Variants in SORCS3 observed in about 807,000 individuals in gnomAD.
The protein encoded by SORCS3 is VPS10 domain-containing receptor SorCS3.
Under a neutral mutation model 146.3 loss-of-function variants are expected in SORCS3, and 57 were observed. That is an observed-to-expected ratio of 0.39 (90% CI 0.31 to 0.49). The LOEUF (loss-of-function observed/expected upper bound fraction) is 0.49. Ranked by LOEUF, SORCS3 falls within the 20% of genes least tolerant of loss-of-function variation. The probability of loss-of-function intolerance (pLI) is 0.92; values close to 1 mark genes in which losing one functional copy is unlikely to be tolerated. For missense variants in SORCS3, 1,341 were observed against 1,575.5 expected (o/e 0.85, Z 2.52); for synonymous variants, 653 against 618.5 (o/e 1.06, Z -0.83).
intron 2 of SORCS3, among the ~76,000 whole-genome samples, chr10:104,847,735 T>C (rs1190711195): frequency 6.6e-6 from 1 of 152,180 alleles, no homozygotes; most frequent in Non-Finnish European, 1.5e-5. Flanking sequence ...ACCTTGGTTC[T>C]TCACCTCTCT....
intron 2 of SORCS3, among the ~76,000 whole-genome samples, chr10:104,858,624 CTTTTT>C (rs775216095): frequency 7.1e-6 from 1 of 141,506 alleles, no homozygotes; most frequent in African/African-American, 2.6e-5. Flanking sequence ...GAGAAGTGTA[CTTTTT>C]TTTTTTTTTT....
chr10:104,824,634 C>T (rs1486797636), intron 1 of SORCS3, among the ~76,000 whole-genome samples: 1 of 152,154 alleles, frequency 6.6e-6, no homozygotes, highest in Non-Finnish European at 1.5e-5. Context: ...GTCCCAGGTG[C>T]TGGAGATATA....
chr10:104,878,930 C>T (rs2018603440), intron 2 of SORCS3, among the ~76,000 whole-genome samples: 2 of 152,242 alleles, frequency 1.3e-5, no homozygotes, highest in East Asian at 1.9e-4. Flanking sequence ...CTGAAGGTAT[C>T]ACAAATCTCC....
At chr10:104,685,990 G>A (rs1455381366) in intron 1 of SORCS3, among the ~76,000 whole-genome samples, 1 of 152,166 alleles carries the variant, frequency 6.6e-6, no homozygotes, top group East Asian at 1.9e-4. Context: ...TTTTGTCTGT[G>A]CCTTACTGGC....
At chr10:105,011,971 A>G (rs1006433467) in intron 4 of SORCS3, among the ~76,000 whole-genome samples, 1 of 152,188 alleles carries the variant, frequency 6.6e-6, no homozygotes, top group African/African-American at 2.4e-5. Flanking sequence ...ATAAAGCAAG[A>G]AAGGAGCATA....
intron 20 of SORCS3, among the ~76,000 whole-genome samples, chr10:105,226,230 C>T (rs1260116385): frequency 1.3e-5 from 2 of 151,822 alleles, no homozygotes; most frequent in South Asian, 2.1e-4. Context: ...AAGGTACATT[C>T]CTTCTATGCT....
In SORCS3 at chr10:105,214,349, C is replaced by G. The variant is rs1589691725; in HGVS notation, c.2376-93C>G. 3.5e-6 allele frequency: 5 copies of G among 1,420,156 alleles called. No homozygotes were observed. The South Asian group carries it at 3.8e-5, about 11-fold the overall frequency. The allele number at this position is 1,420,156 out of a possible 1,614,324, so 88.0% of individuals were successfully genotyped here. A position where few individuals can be genotyped will look rare whatever the true frequency, so the allele number is the denominator to read the frequency against. ...GAAGCACCTGTTTTGCTCTTGCTCT[C>G]TTACATTCCCTTTATAACACACACA... On this transcript the variant is annotated intron_variant, in intron 17 of 26. Coordinates refer to ENST00000369701, the MANE Select transcript of SORCS3 (RefSeq NM_014978.3).
chr10:104,699,230 C>G (rs980413088), intron 1 of SORCS3, among the ~76,000 whole-genome samples: 2 of 152,140 alleles, frequency 1.3e-5, no homozygotes, highest in Non-Finnish European at 2.9e-5. Flanking sequence ...TCCCAGATTT[C>G]CTAGTTGTCA....
intron 4 of SORCS3, among the ~76,000 whole-genome samples, chr10:104,989,059 A>G (rs1341079135): frequency 6.6e-6 from 1 of 152,246 alleles, no homozygotes; most frequent in Non-Finnish European, 1.5e-5. Flanking sequence ...TGTGTTGTCA[A>G]TTGGCATAAG....
chr10:105,003,710 G>T (rs550174423), intron 4 of SORCS3, among the ~76,000 whole-genome samples: 2 of 152,210 alleles, frequency 1.3e-5, no homozygotes, highest in African/African-American at 4.8e-5. Context: ...CTTGACATGG[G>T]TGCCTGTCCC....
rs1564798736 is a variant in SORCS3 at position 105,262,451 on chromosome 10, T to C, written c.3564T>C (p.Pro1188=). The change falls in exon 26 of 27, where the codon CCT becomes CCC. Residue 1188 remains proline, a synonymous_variant. Coordinates refer to ENST00000369701, the MANE Select transcript of SORCS3 (RefSeq NM_014978.3). ...TCACACTCAGTGACTTTACGGAGCC[T>C]GAGGAGCTGCTGGACAAAGAGCTGG... ...PKITLSDFTE[P]EELLDKELDT... is the part of the protein sequence containing the mutation. 6.8e-6 allele frequency: 11 copies of C among 1,614,012 alleles called. No homozygotes were observed. Among genetic ancestry groups the C allele is most frequent in the Non-Finnish European group, 9.3e-6 (11 of 1,179,946 alleles).
Position 104,793,356 on chromosome 10 carries a change from T to C in SORCS3, c.628-49436T>C, listed in dbSNP as rs931352345. The stretch of plus-strand genomic sequence containing the variant: ...GTTTTTTATGGTTGAAAGAAAATAA[T>C]AGAATTTATGCATTGTGCGTGACTA... On this transcript the variant is annotated intron_variant, in intron 1 of 26. Transcript: ENST00000369701. 9.9e-5 allele frequency among the ~76,000 whole-genome samples: 15 copies of C among 152,168 alleles called. 1 individual carries two copies. The highest frequency in any genetic ancestry group is 2.9e-4 in the African/African-American group (12 of 41,440).
chr10:105,095,841 A>G (rs1262511057), intron 6 of SORCS3, among the ~76,000 whole-genome samples: 1 of 152,080 alleles, frequency 6.6e-6, no homozygotes, highest in African/African-American at 2.4e-5. Flanking sequence ...TTTCCTAATT[A>G]TAAAATGAAG....
chr10:105,063,201 T>C (rs1348285292), intron 5 of SORCS3, among the ~76,000 whole-genome samples: 2 of 152,228 alleles, frequency 1.3e-5, no homozygotes, highest in African/African-American at 2.4e-5. Context: ...TTTATGAGGC[T>C]GTATAATGAC....
chr10:105,039,304 C>T (rs896966618), intron 4 of SORCS3, among the ~76,000 whole-genome samples: 3 of 152,128 alleles, frequency 2.0e-5, no homozygotes, highest in Non-Finnish European at 2.9e-5. Context: ...TCTTTCTGTT[C>T]ATCTCAATCA....
chr10:105,060,509 G>A (rs1390519520), intron 5 of SORCS3, among the ~76,000 whole-genome samples: 1 of 152,130 alleles, frequency 6.6e-6, no homozygotes, highest in East Asian at 1.9e-4. Context: ...TTACAGCAGG[G>A]TGAAGGGCAA....
intron 7 of SORCS3, among the ~76,000 whole-genome samples, chr10:105,107,773 A>G (rs1371806352): frequency 6.6e-6 from 1 of 152,184 alleles, no homozygotes; most frequent in African/African-American, 2.4e-5. Flanking sequence ...TGTATGATGT[A>G]AACATCCATA....
intron 9 of SORCS3, among the ~76,000 whole-genome samples, chr10:105,153,634 A>AGTGT (rs1239631670): frequency 7.7e-6 from 1 of 129,714 alleles, no homozygotes; most frequent in Non-Finnish European, 1.6e-5. Flanking sequence ...AGAGAGAGAG[A>AGTGT]GTGTGTGTGT....
chr10:105,039,443 C>G (rs568313384), intron 4 of SORCS3, among the ~76,000 whole-genome samples: 1 of 148,374 alleles, frequency 6.7e-6, no homozygotes, highest in East Asian at 2.0e-4. Flanking sequence ...CAGTGGCTCT[C>G]TCGCTCTCTT....
Sources: allele counts gnomAD v4.1 joint callset (sites outside exome capture counted in the v4.1 genomes callset), GRCh38; gene constraint gnomAD v4.1.1; transcripts MANE v1.5; gene names NCBI Gene and HGNC (gene_info 2026-07-23, HGNC 2026-07-21).